The following POLN variants were observed in gnomAD, a reference collection of about 807,000 sequenced individuals.
POLN encodes DNA polymerase nu.
In POLN, 108 loss-of-function variants were observed where a neutral mutation model predicts 113.5. The observed-to-expected ratio is 0.95, with a 90% CI of 0.81 to 1.12. The LOEUF (loss-of-function observed/expected upper bound fraction) is 1.12. Among genes scored for constraint, POLN ranks in the 50% most tolerant of loss-of-function variants. The pLI is 0.00. For synonymous variants in POLN, 386 were observed against 391.5 expected (o/e 0.99, Z 0.17); for missense variants, 1,097 against 1,077.1 (o/e 1.02, Z -0.26).
At chr4:2,075,022 G>A (rs963158508) in intron 24 of POLN, among the ~76,000 whole-genome samples, 2 of 152,160 alleles carry the variant, frequency 1.3e-5, no homozygotes, top group Non-Finnish European at 2.9e-5. Context: ...TGAGCCTAGG[G>A]GGCCTCAGTG....
chr4:2,108,112 A>G (rs1731111876), intron 19 of POLN, among the ~76,000 whole-genome samples: 1 of 152,204 alleles, frequency 6.6e-6, no homozygotes, highest in African/African-American at 2.4e-5. Context: ...CCTGACTCCA[A>G]GCAATCCCAG....
At chr4:2,081,337 G>T (rs1730412330) in intron 22 of POLN, 4 of 731,552 alleles carry the variant, frequency 5.5e-6, no homozygotes, top group East Asian at 5.7e-5. Context: ...TGAGCTCCAG[G>T]TCTCCTAAAC....
intron 16 of POLN, among the ~76,000 whole-genome samples, chr4:2,148,536 A>G (rs1436852699): frequency 1.3e-5 from 2 of 152,102 alleles, no homozygotes; most frequent in African/African-American, 2.4e-5. Context: ...GCATGGTGGC[A>G]TGCGCCTGTA....
intron 7 of POLN, among the ~76,000 whole-genome samples, chr4:2,179,893 G>A (rs1221606636): frequency 6.6e-6 from 1 of 152,188 alleles, no homozygotes; most frequent in African/African-American, 2.4e-5. Context: ...GGGCTGTCTG[G>A]CACCATGGAG....
At chr4:2,205,442 C>T (rs1035728405) in intron 5 of POLN, among the ~76,000 whole-genome samples, 2 of 152,156 alleles carry the variant, frequency 1.3e-5, no homozygotes, top group African/African-American at 4.8e-5. Context: ...TCACAGATGA[C>T]ACAAACAAAT....
intron 7 of POLN, among the ~76,000 whole-genome samples, chr4:2,183,339 G>A (rs1038360231): frequency 2.0e-5 from 3 of 152,120 alleles, no homozygotes; most frequent in African/African-American, 7.2e-5. Flanking sequence ...TCCACGCAAA[G>A]ACCTTTACAC....
At chr4:2,234,587 G>A (rs1213701052) in intron 2 of POLN, 1 of 152,406 alleles carries the variant, frequency 6.6e-6, no homozygotes. Flanking sequence ...CCCTACCCTG[G>A]GTCCGTGAAT....
intron 24 of POLN, among the ~76,000 whole-genome samples, chr4:2,075,200 C>T (rs957587967): frequency 7.9e-5 from 12 of 152,242 alleles, no homozygotes; most frequent in African/African-American, 2.7e-4. Context: ...CAGTTCCAGT[C>T]AGCTAGAATA....
At chr4:2,132,179 T>C (rs1316183006) in intron 16 of POLN, among the ~76,000 whole-genome samples, 1 of 152,088 alleles carries the variant, frequency 6.6e-6, no homozygotes, top group Non-Finnish European at 1.5e-5. Flanking sequence ...TTTCTATACA[T>C]TAGAATCACA....
Position 2,071,967 on chromosome 4 carries a change from T to C in POLN, c.*147A>G. On this transcript the variant is annotated 3_prime_UTR_variant, in exon 26 of 26. Transcript: ENST00000511885. This position sits in a 1 kb window ranked among gnomAD's most constrained non-coding sequence, Gnocchi z 5.2. ...CACTCAGACAAGGATGAGGAGGGCT[T>C]TGCACAGGCATTTACTCCAGGGGAT... 1.1e-6 allele frequency: 1 copy of C among 894,996 alleles called. No homozygotes were observed. The highest frequency in any genetic ancestry group is 1.9e-6 in the Non-Finnish European group (1 of 536,682). 55.4% of individuals were successfully genotyped at this position (894,996 alleles called of 1,614,324 possible). A position where few individuals can be genotyped will look rare whatever the true frequency, so the allele number is the denominator to read the frequency against.
intron 13 of POLN, among the ~76,000 whole-genome samples, chr4:2,166,112 T>C (rs1417172747): frequency 1.3e-5 from 2 of 152,310 alleles, no homozygotes; most frequent in Admixed American, 6.5e-5. Flanking sequence ...AAGATCATAG[T>C]TGCTCCCTTA....
chr4:2,210,632 A>ATAATAAT (rs200675785), intron 4 of POLN, among the ~76,000 whole-genome samples: 6 of 84,140 alleles, frequency 7.1e-5, no homozygotes, highest in African/African-American at 4.4e-4. Flanking sequence ...AATAATAATA[A>ATAATAAT]AAAAAAGAGG....
Position 2,176,319 on chromosome 4 carries a change from CA to C in POLN, c.1194del (p.Glu399ArgfsTer3), listed in dbSNP as rs1252494567. The C allele has an allele frequency of 6.3e-7, 1 of 1,597,146 alleles. No homozygotes were observed. Among genetic ancestry groups the C allele is most frequent in the African/African-American group, 1.4e-5 (1 of 73,900 alleles). On this transcript the variant is annotated frameshift_variant, in exon 9 of 26. Transcript: ENST00000511885. LOFTEE classifies it high-confidence loss of function. ...SSRNIVNQNV[R>X]ENLKTLYRLT... ...AGTCTGTAGAGTGTCTTCAGGTTCT[CA>C]CGTACATTCTGATTCTTTAAAAGAG...
Position 2,208,049 on chromosome 4 carries a change from C to A in POLN, c.652G>T (p.Ala218Ser). 1.2e-6 allele frequency: 2 copies of A among 1,614,158 alleles called. No individual in the cohort carries two copies. The highest frequency in any genetic ancestry group is 2.2e-5 in the South Asian group (2 of 91,076). Reference sequence around the variant, plus strand: ...ATCACAGTTATCACCAGGGCTGCTGCCTGTTTGAGCATTTCAATCAGCTGG... The same window carrying A: ...ATCACAGTTATCACCAGGGCTGCTGACTGTTTGAGCATTTCAATCAGCTGG... Reference protein sequence around the residue: ...KSQLIEMLKQAAALVITVMYT... With the variant: ...KSQLIEMLKQSAALVITVMYT... Residue 218 changes from alanine (A) to serine (S), a missense_variant, in exon 5 of 26, where the codon GCA becomes TCA. Transcript: ENST00000511885.
intron 19 of POLN, among the ~76,000 whole-genome samples, chr4:2,107,332 T>A (rs867988471): frequency 6.6e-6 from 1 of 152,234 alleles, no homozygotes; most frequent in Non-Finnish European, 1.5e-5. Flanking sequence ...TGTCTCATTA[T>A]TTCATCAACT....
intron 19 of POLN, among the ~76,000 whole-genome samples, chr4:2,116,596 T>TATAGG (rs1207041847): frequency 2.0e-5 from 3 of 151,290 alleles, no homozygotes; most frequent in Non-Finnish European, 4.4e-5. Context: ...TCTAATCTAG[T>TATAGG]ATAGGATAGG....
intron 2 of POLN, chr4:2,231,104 A>G (rs929304002): frequency 6.6e-6 from 1 of 152,248 alleles, no homozygotes; most frequent in African/African-American, 2.4e-5. Flanking sequence ...AAATGAATGC[A>G]GGCAGGCCAA....
intron 5 of POLN, among the ~76,000 whole-genome samples, chr4:2,207,766 T>A (rs1451421453): frequency 6.6e-6 from 1 of 152,194 alleles, no homozygotes; most frequent in Admixed American, 6.5e-5. Flanking sequence ...GAAACCCTAG[T>A]ACACTGCTGG....
intron 13 of POLN, among the ~76,000 whole-genome samples, chr4:2,165,559 C>T (rs568359848): frequency 3.3e-5 from 5 of 152,234 alleles, no homozygotes; most frequent in African/African-American, 1.2e-4. Flanking sequence ...GAACCCTACA[C>T]CCAAGAGCAG....
Sources: gnomAD v4.1 joint callset for allele counts (sites outside exome capture counted in the v4.1 genomes callset) on GRCh38, gnomAD v4.1.1 for gene constraint, Gnocchi (gnomAD v3.1) non-coding constraint, MANE v1.5 for transcripts, NCBI Gene and HGNC (gene_info 2026-07-23, HGNC 2026-07-21) for gene names.